Variants in NEMP2 observed in about 807,000 individuals in gnomAD.
NEMP2 encodes UPF0571 transmembrane protein.
Under a neutral mutation model 54.2 loss-of-function variants are expected in NEMP2, and 53 were observed. That is an observed-to-expected ratio of 0.98 (90% CI 0.78 to 1.23). NEMP2 has a LOEUF of 1.23. NEMP2 is among the 50% of genes most tolerant of loss of function. The pLI is 0.00. For synonymous variants in NEMP2, 197 were observed against 190.3 expected, an observed-to-expected ratio of 1.04 and a Z score of -0.29; for missense variants, 455 against 511.3, an observed-to-expected ratio of 0.89 and a Z score of 1.06.
At chr2:190,480,859 A>G in the NEMP2 span, among the ~76,000 whole-genome samples, 1 of 152,244 alleles carries the variant, frequency 6.6e-6, no homozygotes, top group South Asian at 2.1e-4. Context: ...AAAACATACA[A>G]TACAAAAAAG....
chr2:190,617,932 C>A, the NEMP2 span, among the ~76,000 whole-genome samples: 3 of 152,088 alleles, frequency 2.0e-5, no homozygotes, highest in African/African-American at 4.8e-5. This position sits in a 1 kb window ranked among gnomAD's most constrained non-coding sequence, Gnocchi z 5.0. Context: ...TAATTGTTTC[C>A]ATTTTTCAGG....
At chr2:190,578,573 A>G in the NEMP2 span, among the ~76,000 whole-genome samples, 1 of 152,136 alleles carries the variant, frequency 6.6e-6, no homozygotes, top group Non-Finnish European at 1.5e-5. The surrounding 1 kb of genome is among the most constrained non-coding windows in gnomAD (Gnocchi z 4.4). Flanking sequence ...GGTAGTATAT[A>G]TGGTGTTAAG....
chr2:190,575,331 AT>A, the NEMP2 span, among the ~76,000 whole-genome samples: 209 of 148,646 alleles, frequency 1.4e-3, 1 homozygote, highest in Non-Finnish European at 1.7e-3. Context: ...TTTTTTTCTA[AT>A]TTTTTTTTTT....
At chr2:190,632,135 T>G in the NEMP2 span, among the ~76,000 whole-genome samples, 1 of 152,156 alleles carries the variant, frequency 6.6e-6, no homozygotes, top group Admixed American at 6.5e-5. The surrounding 1 kb of genome is among the most constrained non-coding windows in gnomAD (Gnocchi z 4.8). Context: ...AAGGGTGAGT[T>G]GTGTTTCCAT....
the NEMP2 span, among the ~76,000 whole-genome samples, chr2:190,491,380 C>T: frequency 2.0e-5 from 3 of 152,214 alleles, no homozygotes; most frequent in East Asian, 1.9e-4. The surrounding 1 kb of genome is among the most constrained non-coding windows in gnomAD (Gnocchi z 4.2). Flanking sequence ...AGAGAATACA[C>T]AGACCCTCTG....
chr2:190,430,075 C>G, the NEMP2 span, among the ~76,000 whole-genome samples: 1 of 151,650 alleles, frequency 6.6e-6, no homozygotes, highest in South Asian at 2.1e-4. Context: ...CAATTTCCAC[C>G]TATAAGTGAG....
the NEMP2 span, among the ~76,000 whole-genome samples, chr2:190,614,320 C>G: frequency 1.3e-5 from 2 of 152,040 alleles, no homozygotes; most frequent in Non-Finnish European, 2.9e-5. The surrounding 1 kb of genome is among the most constrained non-coding windows in gnomAD (Gnocchi z 5.7). Context: ...TACACTTTTT[C>G]TTAAAAACCC....
At chr2:190,544,425 T>TA in the NEMP2 span, among the ~76,000 whole-genome samples, 266 of 151,586 alleles carry the variant, frequency 1.8e-3, 2 homozygotes, top group South Asian at 6.5e-3. Flanking sequence ...AAGCTCTTGG[T>TA]AAAAAAAAAT....
rs187335346 is a variant in NEMP2, at chr2:190,523,957, T to A, written c.213+1306A>T. Reference sequence around the variant, plus strand: ...GTGGCTTGCGCCTGTAATCCCAGCATTCTGGGAGGCTGAGGCAGGCAGATT... The same window carrying A: ...GTGGCTTGCGCCTGTAATCCCAGCAATCTGGGAGGCTGAGGCAGGCAGATT... On this transcript the variant is annotated intron_variant, in intron 2 of 8. Transcript: ENST00000409150. This position sits in a 1 kb window ranked among gnomAD's most constrained non-coding sequence, Gnocchi z 5.3. Among the ~76,000 whole-genome samples, 325 of 151,966 alleles carry A rather than the reference T, an allele frequency of 2.1e-3. 1 individual carries two copies. The highest frequency in any genetic ancestry group is 7.5e-3 in the African/African-American group (310 of 41,450).
chr2:190,454,864 G>A, the NEMP2 span, among the ~76,000 whole-genome samples: 1 of 152,064 alleles, frequency 6.6e-6, no homozygotes, highest in Non-Finnish European at 1.5e-5. This position sits in a 1 kb window ranked among gnomAD's most constrained non-coding sequence, Gnocchi z 4.6. Flanking sequence ...ATAGTGGGAT[G>A]ATGGTAGGAG....
chr2:190,444,771 A>G, the NEMP2 span: 3 of 252,776 alleles, frequency 1.2e-5, no homozygotes, highest in Admixed American at 2.0e-4. Flanking sequence ...CAGTTTTGAA[A>G]CTGAGTATTA....
At chr2:190,473,737 A>T in the NEMP2 span, among the ~76,000 whole-genome samples, 1 of 152,224 alleles carries the variant, frequency 6.6e-6, no homozygotes. Context: ...ACATCTACAG[A>T]ACTCTCCACC....
At chr2:190,494,083 GATAA>G in the NEMP2 span, among the ~76,000 whole-genome samples, 1 of 151,824 alleles carries the variant, frequency 6.6e-6, no homozygotes, top group Admixed American at 6.6e-5. This position sits in a 1 kb window ranked among gnomAD's most constrained non-coding sequence, Gnocchi z 5.7. Context: ...TGTTTGAAAA[GATAA>G]ATAAAATTGA....
the NEMP2 span, among the ~76,000 whole-genome samples, chr2:190,468,438 T>C: frequency 6.6e-6 from 1 of 150,776 alleles, no homozygotes; most frequent in Admixed American, 6.6e-5. Flanking sequence ...AAGGGAACAG[T>C]GTTTATAGGA....
the NEMP2 span, among the ~76,000 whole-genome samples, chr2:190,640,787 ATTTTTTTTTTTTTTTTTTTTTTTTTTTTT>A: frequency 9.3e-5 from 11 of 118,028 alleles, no homozygotes; most frequent in East Asian, 7.6e-4. Flanking sequence ...AACACATTCA[ATTTTTTTTTTTTTTTTTTTTTTTTTTTTT>A]TTTTTTTTTT....
At chr2:190,493,188 G>T in the NEMP2 span, among the ~76,000 whole-genome samples, 1 of 152,060 alleles carries the variant, frequency 6.6e-6, no homozygotes, top group African/African-American at 2.4e-5. Flanking sequence ...GGTGGAAAAA[G>T]ACATTCCATG....
the NEMP2 span, among the ~76,000 whole-genome samples, chr2:190,479,392 A>T: frequency 6.6e-6 from 1 of 152,218 alleles, no homozygotes; most frequent in African/African-American, 2.4e-5. Context: ...TTTAAAAAAG[A>T]GACAGGGAGT....
At chr2:190,502,897 T>TAA (rs1481459775), downstream of NEMP2, among the ~76,000 whole-genome samples, 2 of 152,252 alleles carry the variant, frequency 1.3e-5, no homozygotes, top group Non-Finnish European at 1.5e-5. This position sits in a 1 kb window ranked among gnomAD's most constrained non-coding sequence, Gnocchi z 4.4. Flanking sequence ...GCTAACAGTT[T>TAA]AAGTTATGAG....
chr2:190,514,353 TG>T lies in NEMP2; in HGVS notation c.953+99del. ...CTCAGAATGAAATCTCCAGATCAAA[TG>T]TAATTATGAGATTAACATGATGTGT... is the stretch of plus-strand genomic sequence containing the variant. On this transcript the variant is annotated intron_variant, in intron 7 of 8. Transcript: ENST00000409150. The surrounding 1 kb of genome is among the most constrained non-coding windows in gnomAD (Gnocchi z 5.7). The T allele has an allele frequency of 2.6e-6, 3 of 1,139,526 alleles. No homozygotes were observed. The South Asian group carries it at 4.3e-5, about 16-fold the overall frequency. The allele number at this position is 1,139,526 out of a possible 1,614,324, so 70.6% of individuals were successfully genotyped here.
Sources: allele counts gnomAD v4.1 joint callset (sites outside exome capture counted in the v4.1 genomes callset), GRCh38; gene constraint gnomAD v4.1.1; non-coding constraint Gnocchi (gnomAD v3.1); transcripts MANE v1.5; gene names NCBI Gene and HGNC (gene_info 2026-07-23, HGNC 2026-07-21).